The following VIT variants were observed in gnomAD, a reference collection of about 807,000 sequenced individuals.
The protein encoded by VIT is vitrin.
In VIT, 99 loss-of-function variants were observed where a neutral mutation model predicts 78.0. The ratio of observed to expected loss-of-function variants is 1.27; its 90% confidence interval spans 1.08 to 1.50. VIT has a LOEUF of 1.50. Among genes scored for constraint, VIT ranks in the 40% most tolerant of loss-of-function variants. The pLI is 0.00. For missense variants in VIT, 1,126 were observed against 875.3 expected (o/e 1.29, Z -3.61); for synonymous variants, 374 against 334.3 (o/e 1.12, Z -1.29).
intron 9 of VIT, among the ~76,000 whole-genome samples, chr2:36,778,290 C>A (rs2148614012): frequency 6.6e-6 from 1 of 152,330 alleles, no homozygotes; most frequent in South Asian, 2.1e-4. Context: ...GCCTCCTACA[C>A]ACTGCGTCCC....
At chr2:36,795,934 A>G (rs1345093083) in intron 12 of VIT, among the ~76,000 whole-genome samples, 1 of 152,172 alleles carries the variant, frequency 6.6e-6, no homozygotes, top group Non-Finnish European at 1.5e-5. Context: ...TGACAATGCT[A>G]TTGGTTGTGA....
intron 3 of VIT, among the ~76,000 whole-genome samples, chr2:36,736,593 G>A (rs574812839): frequency 1.3e-5 from 2 of 152,318 alleles, no homozygotes; most frequent in South Asian, 2.1e-4. Flanking sequence ...TATGCAGATG[G>A]GAGCCATTGA....
At chr2:36,811,500 T>G (rs1008182339) in intron 15 of VIT, among the ~76,000 whole-genome samples, 5 of 152,184 alleles carry the variant, frequency 3.3e-5, no homozygotes, top group Non-Finnish European at 1.5e-5. Flanking sequence ...AGATTCTTAC[T>G]CAGCTTAACA....
chr2:36,751,711 G>T (rs1202980478), intron 4 of VIT, among the ~76,000 whole-genome samples: 1 of 152,160 alleles, frequency 6.6e-6, no homozygotes, highest in African/African-American at 2.4e-5. Flanking sequence ...GAGAAGGGCA[G>T]AAGAGAAGAG....
intron 1 of VIT, among the ~76,000 whole-genome samples, chr2:36,704,592 T>C (rs1053364814): frequency 6.6e-6 from 1 of 152,200 alleles, no homozygotes; most frequent in Non-Finnish European, 1.5e-5. Context: ...GAGCTGGGTC[T>C]CCTGCTTCTA....
intron 1 of VIT, among the ~76,000 whole-genome samples, chr2:36,714,950 T>C (rs1427167255): frequency 6.6e-6 from 1 of 152,228 alleles, no homozygotes; most frequent in East Asian, 1.9e-4. Context: ...AACTCCCTTA[T>C]GGATCATCAG....
At chr2:36,757,140 T>A (rs1414183056) in intron 5 of VIT, among the ~76,000 whole-genome samples, 2 of 152,220 alleles carry the variant, frequency 1.3e-5, no homozygotes, top group African/African-American at 4.8e-5. Context: ...AGCCAAGGAA[T>A]GCTTCCCATT....
intron 11 of VIT, among the ~76,000 whole-genome samples, chr2:36,783,920 G>A (rs764733813): frequency 2.0e-5 from 3 of 152,156 alleles, no homozygotes; most frequent in Non-Finnish European, 4.4e-5. Context: ...CATTTTCTTC[G>A]AGACATTTGA....
intron 9 of VIT, among the ~76,000 whole-genome samples, chr2:36,776,901 A>C (rs541095172): frequency 2.6e-5 from 4 of 151,410 alleles, no homozygotes; most frequent in South Asian, 4.2e-4. Context: ...CATCCCGGCT[A>C]ACACGGTGAA....
intron 13 of VIT, among the ~76,000 whole-genome samples, 174 bp downstream of exon 13, chr2:36,801,578 C>G (rs1199223150): frequency 6.6e-6 from 1 of 152,150 alleles, no homozygotes; most frequent in Non-Finnish European, 1.5e-5. Context: ...GAGGCTGAAG[C>G]TAGCAGATCA....
chr2:36,738,043 A>G (rs763361572), intron 3 of VIT, among the ~76,000 whole-genome samples: 1 of 152,240 alleles, frequency 6.6e-6, no homozygotes, highest in Non-Finnish European at 1.5e-5. Flanking sequence ...AAATTACGCT[A>G]GAAGAGTTAC....
rs1437001665 is a variant in VIT, at chr2:36,814,266, T to G, written c.1987T>G (p.Ser663Ala). The change falls in exon 16 of 16, where the codon TCC (serine) becomes GCC (alanine). Residue 663 changes from serine to alanine, a missense_variant. Physicochemically the swap from Ser to Ala is moderately conservative, Grantham distance 99 (BLOSUM62 1). Coordinates refer to ENST00000379242, the MANE Select transcript of VIT (RefSeq NM_053276.4). Reference protein sequence around the residue: ...VIATHPARDHSFFVDEFDNLH... With the variant: ...VIATHPARDHAFFVDEFDNLH... The stretch of plus-strand genomic sequence containing the variant: ...TGCCACTCACCCCGCCAGAGACCAC[T>G]CCTTCTTTGTGGACGAGTTTGACAA... 10 of 1,614,216 alleles carry G rather than the reference T, an allele frequency of 6.2e-6. No individual in the cohort carries two copies. The highest frequency in any genetic ancestry group is 4.2e-6 in the Non-Finnish European group (5 of 1,180,042).
Position 36,756,818 on chromosome 2 carries a change from T to A in VIT, c.409+1764T>A, listed in dbSNP as rs551562254. 2.6e-5 allele frequency among the ~76,000 whole-genome samples: 4 copies of A among 152,322 alleles called. No individual in the cohort carries two copies. The East Asian group carries it at 7.7e-4, about 29-fold the overall frequency. On this transcript the variant is annotated intron_variant, in intron 5 of 15. Coordinates refer to ENST00000379242, the MANE Select transcript of VIT (RefSeq NM_053276.4). ...TCCGCATAGGTGTTCACCAAGTAGA[T>A]CCTGGCTGAATAAGAGCATTTCAGC...
At chr2:36,701,290 A>G (rs1046911010) in intron 1 of VIT, among the ~76,000 whole-genome samples, 1 of 152,096 alleles carries the variant, frequency 6.6e-6, no homozygotes. Context: ...AGGTGGTGCG[A>G]GTGGAGGGAA....
chr2:36,744,188 T>A (rs1362497250), intron 4 of VIT, among the ~76,000 whole-genome samples: 1 of 152,218 alleles, frequency 6.6e-6, no homozygotes, highest in Non-Finnish European at 1.5e-5. Flanking sequence ...TGTACCACAT[T>A]TTCTTTATCT....
Position 36,808,660 on chromosome 2 carries a change from C to T in VIT, c.1578C>T (p.Phe526=). Residue 526 remains phenylalanine (F), a synonymous_variant, in exon 15 of 16, where the codon TTC becomes TTT. Transcript: ENST00000379242. ...DGSSSVGTGN[F]RTVLQFVTNL... Reference sequence around the variant, plus strand: ...CCAGCAGTGTGGGGACGGGCAACTTCCGCACCGTCCTCCAGTTTGTGACCA... The same window carrying T: ...CCAGCAGTGTGGGGACGGGCAACTTTCGCACCGTCCTCCAGTTTGTGACCA... The T allele has an allele frequency of 6.2e-7, 1 of 1,614,222 alleles. No homozygotes were observed. Among genetic ancestry groups the T allele is most frequent in the Non-Finnish European group, 8.5e-7 (1 of 1,180,040 alleles).
chr2:36,814,009 A>G (rs1338156416), intron 15 of VIT, among the ~76,000 whole-genome samples, 174 bp from the exon 16 acceptor site: 1 of 152,226 alleles, frequency 6.6e-6, no homozygotes, highest in East Asian at 1.9e-4. Context: ...GAATGGCCAT[A>G]CTTAGTCTTT....
At chr2:36,742,146 G>A (rs1572454803) in intron 3 of VIT, among the ~76,000 whole-genome samples, 1 of 152,162 alleles carries the variant, frequency 6.6e-6, no homozygotes, top group Non-Finnish European at 1.5e-5. Context: ...CACCAGTAAA[G>A]TGTCCTCTAG....
chr2:36,750,951 CA>C (rs1481789369), intron 4 of VIT, among the ~76,000 whole-genome samples: 1 of 152,156 alleles, frequency 6.6e-6, no homozygotes, highest in Non-Finnish European at 1.5e-5. Flanking sequence ...ACCGAGGTAT[CA>C]AAAAGCTAAT....
Sources: allele counts gnomAD v4.1 joint callset (sites outside exome capture counted in the v4.1 genomes callset), GRCh38; gene constraint gnomAD v4.1.1; transcripts MANE v1.5; gene names NCBI Gene and HGNC (gene_info 2026-07-23, HGNC 2026-07-21).